The following ENOX1 variants were observed in gnomAD, a reference collection of about 807,000 sequenced individuals.
ENOX1 encodes ecto-NOX disulfide-thiol exchanger 1, also known as candidate growth-related and time keeping constitutive hydroquinone (NADH) oxidase.
A neutral mutation model predicts 82.5 loss-of-function variants in ENOX1; 42 were observed. That is an observed-to-expected ratio of 0.51 (90% CI 0.40 to 0.66). ENOX1 has a LOEUF of 0.66. ENOX1 is among the 30% of genes least tolerant of loss of function. The probability of loss-of-function intolerance (pLI) is 0.00; values close to 1 mark genes in which losing one functional copy is unlikely to be tolerated. For synonymous variants in ENOX1, 271 were observed against 282.2 expected (o/e 0.96, Z 0.40); for missense variants, 608 against 811.6 (o/e 0.75, Z 3.05).
intron 5 of ENOX1, among the ~76,000 whole-genome samples, chr13:43,393,992 C>T (rs933825504): frequency 5.3e-5 from 8 of 152,134 alleles, no homozygotes; most frequent in Non-Finnish European, 1.2e-4. Flanking sequence ...CTCTTGTTCC[C>T]TCTCTTGCTA....
chr13:43,351,150 T>C (rs1377029085), intron 8 of ENOX1, among the ~76,000 whole-genome samples: 1 of 152,160 alleles, frequency 6.6e-6, no homozygotes, highest in African/African-American at 2.4e-5. Flanking sequence ...GCTATCACAA[T>C]CCCCAAATTT....
chr13:43,594,864 G>T (rs78578990), intron 2 of ENOX1, among the ~76,000 whole-genome samples: 1 of 152,040 alleles, frequency 6.6e-6, no homozygotes, highest in African/African-American at 2.4e-5. Flanking sequence ...CTGCTGCAAG[G>T]AGCATGGGTG....
chr13:43,244,780 C>T (rs900123007), intron 14 of ENOX1, among the ~76,000 whole-genome samples: 1 of 152,164 alleles, frequency 6.6e-6, no homozygotes, highest in Non-Finnish European at 1.5e-5. Context: ...ACCCCGGACT[C>T]TGCCAGCAGC....
intron 3 of ENOX1, among the ~76,000 whole-genome samples, chr13:43,453,034 G>C (rs1174470499): frequency 6.6e-6 from 1 of 152,198 alleles, no homozygotes; most frequent in Non-Finnish European, 1.5e-5. Context: ...GGGAAGCTAT[G>C]AATGCAAGTC....
chr13:43,581,090 G>A (rs1233496696), intron 2 of ENOX1, among the ~76,000 whole-genome samples: 1 of 144,474 alleles, frequency 6.9e-6, no homozygotes, highest in East Asian at 2.0e-4. Flanking sequence ...AGATACTCAG[G>A]TATCTGACCT....
chr13:43,518,275 T>C (rs75207021), intron 2 of ENOX1, among the ~76,000 whole-genome samples: 1 of 152,198 alleles, frequency 6.6e-6, no homozygotes, highest in African/African-American at 2.4e-5. Flanking sequence ...GCCAATGTAA[T>C]CATCAATATT....
At chr13:43,482,930 C>T (rs2058562775) in intron 3 of ENOX1, among the ~76,000 whole-genome samples, 1 of 152,160 alleles carries the variant, frequency 6.6e-6, no homozygotes, top group African/African-American at 2.4e-5. Context: ...TAAATACCCC[C>T]TGCCTCACTG....
rs545244697 is a variant in ENOX1 at position 43,443,178 on chromosome 13, CAT to C, written c.-74-30192_-74-30191del. ...TTTATTTACAGACATTAGATTTACA[CAT>C]GTTTCCAGTATAAATCTTTCGTATA... On this transcript the variant is annotated intron_variant, in intron 3 of 16. Coordinates refer to ENST00000690772, the MANE Select transcript of ENOX1 (RefSeq NM_001347969.2). 2.0e-3 allele frequency among the ~76,000 whole-genome samples: 308 copies of C among 152,252 alleles called. 1 individual carries two copies. The highest frequency in any genetic ancestry group is 6.6e-3 in the East Asian group (34 of 5,178).
rs9567202 is a variant in ENOX1 at position 43,493,933 on chromosome 13, A to G, written c.-218-9781T>C. ...CTGGGGAGGCATCAGGAAACTTACA[A>G]TCATGACAGAAGGTAAAGGGGAAGC... On this transcript the variant is annotated intron_variant, in intron 2 of 16. Transcript: ENST00000690772. 4.6e-5 allele frequency among the ~76,000 whole-genome samples: 7 copies of G among 152,306 alleles called. No individual in the cohort carries two copies. The East Asian group carries it at 1.4e-3, about 29-fold the overall frequency.
chr13:43,690,287 T>TA (rs1778643688), intron 1 of ENOX1, among the ~76,000 whole-genome samples: 2 of 148,988 alleles, frequency 1.3e-5, no homozygotes, highest in African/African-American at 2.5e-5. Flanking sequence ...ACAAGCAGAT[T>TA]AAAAAAAGCT....
At chr13:43,641,518 A>G (rs1405386423) in intron 2 of ENOX1, among the ~76,000 whole-genome samples, 1 of 124,318 alleles carries the variant, frequency 8.0e-6, no homozygotes, top group Non-Finnish European at 1.7e-5. Flanking sequence ...ACAGAGTAAC[A>G]TTAATTTTTA....
chr13:43,687,074 A>T (rs569047562), intron 1 of ENOX1, among the ~76,000 whole-genome samples: 31 of 152,306 alleles, frequency 2.0e-4, no homozygotes, highest in African/African-American at 7.2e-4. Flanking sequence ...GTGCTCTCAC[A>T]CCACTTTGTA....
At chr13:43,598,091 C>A (rs2081547414) in intron 2 of ENOX1, among the ~76,000 whole-genome samples, 1 of 152,118 alleles carries the variant, frequency 6.6e-6, no homozygotes, top group African/African-American at 2.4e-5. Context: ...TCTTGTGTCT[C>A]CCGGCTCTAC....
At chr13:43,719,314 C>CACAG (rs1167331188) in intron 1 of ENOX1, among the ~76,000 whole-genome samples, 1 of 148,978 alleles carries the variant, frequency 6.7e-6, no homozygotes, top group Non-Finnish European at 1.5e-5. Context: ...CACACACACA[C>CACAG]ACACACACAC....
At chr13:43,593,980 C>T (rs2081355322) in intron 2 of ENOX1, among the ~76,000 whole-genome samples, 1 of 152,100 alleles carries the variant, frequency 6.6e-6, no homozygotes, top group Non-Finnish European at 1.5e-5. Context: ...AGATGTGCTC[C>T]TACCTAAGTG....
intron 14 of ENOX1, among the ~76,000 whole-genome samples, chr13:43,251,601 T>C (rs974197539): frequency 6.6e-6 from 1 of 152,184 alleles, no homozygotes; most frequent in Non-Finnish European, 1.5e-5. Flanking sequence ...TGATTTGGAC[T>C]GATCTTAGGG....
At chr13:43,215,532 G>A (rs1176197154) in intron 16 of ENOX1, among the ~76,000 whole-genome samples, 7 of 152,200 alleles carry the variant, frequency 4.6e-5, no homozygotes, top group African/African-American at 7.2e-5. Flanking sequence ...GGTGAGATTC[G>A]TGAGCAGATA....
chr13:43,348,594 G>A (rs2049549464), intron 8 of ENOX1, among the ~76,000 whole-genome samples: 2 of 152,188 alleles, frequency 1.3e-5, no homozygotes, highest in African/African-American at 4.8e-5. Flanking sequence ...ATAATGAAAT[G>A]TCACGCTGTC....
chr13:43,634,698 T>C (rs572711802), intron 2 of ENOX1, among the ~76,000 whole-genome samples: 1 of 152,326 alleles, frequency 6.6e-6, no homozygotes, highest in South Asian at 2.1e-4. Flanking sequence ...ATCAGTCTTA[T>C]TTTCTACCAA....
Sources: allele counts gnomAD v4.1 joint callset (sites outside exome capture counted in the v4.1 genomes callset), GRCh38; gene constraint gnomAD v4.1.1; transcripts MANE v1.5; gene names NCBI Gene and HGNC (gene_info 2026-07-23, HGNC 2026-07-21).